The following PTPRF variants were observed in gnomAD, a reference collection of about 807,000 sequenced individuals.
PTPRF encodes the protein receptor-type tyrosine-protein phosphatase F.
A neutral mutation model predicts 201.8 loss-of-function variants in PTPRF; 59 were observed. The ratio of observed to expected loss-of-function variants is 0.29; its 90% CI spans 0.24 to 0.36. The LOEUF is 0.36. PTPRF is among the 10% of genes least tolerant of loss of function. The pLI, the probability that PTPRF is intolerant of heterozygous loss-of-function variation, is 1.00. For synonymous variants in PTPRF, 1,088 were observed against 1,089.7 expected, an observed-to-expected ratio of 1.00 and a Z score of 0.03; for missense variants, 2,132 against 2,690.5, an observed-to-expected ratio of 0.79 and a Z score of 4.59.
At chr1:43,606,006 A>G (rs910550587) in intron 19 of PTPRF, among the ~76,000 whole-genome samples, 2 of 152,194 alleles carry the variant, frequency 1.3e-5, no homozygotes, top group African/African-American at 4.8e-5. Context: ...GTGTGGCAAC[A>G]GCCTGGTTAG....
rs76048903 is a variant in PTPRF at position 43,598,409 on chromosome 1, G to A, written c.2120-311G>A. 1.7e-3 allele frequency: 825 copies of A among 482,762 alleles called. 10 individuals are homozygous for A. Among genetic ancestry groups the A allele is most frequent in the African/African-American group, 0.015 (762 of 51,286 alleles). 29.9% of individuals were successfully genotyped at this position (482,762 alleles called of 1,614,324 possible). On this transcript the variant is annotated intron_variant, in intron 12 of 33. Transcript: ENST00000359947. ...ATGATTGGGGCCTAGGAGGAGTCAG[G>A]ACAGGTTGTGCTGACTAGGGGTGGT... is the stretch of plus-strand genomic sequence containing the variant.
At chr1:43,598,475 G>A (rs1160537197) in intron 12 of PTPRF, 11 of 521,506 alleles carry the variant, frequency 2.1e-5, no homozygotes, top group East Asian at 3.1e-5. Flanking sequence ...CCCCCATGTC[G>A]ACCCTCCCCA....
In PTPRF at chr1:43,595,695, C is replaced by G. The variant is rs367828053; in HGVS notation, c.1814-2053C>G. ...CTTAGCCTTGGACAGGGTGGCTCAA[C>G]TCTCCATTCTCATGGGTGGAAAGGA... On this transcript the variant is annotated intron_variant, in intron 11 of 33. Coordinates refer to ENST00000359947, the MANE Select transcript of PTPRF (RefSeq NM_002840.5). 7.2e-5 allele frequency among the ~76,000 whole-genome samples: 11 copies of G among 152,286 alleles called. No homozygotes were observed. In the South Asian group the frequency reaches 2.3e-3, roughly 32 times the overall value.
rs773624942 is a variant in PTPRF, at chr1:43,554,141, T to C, written c.379+200T>C. On this transcript the variant is annotated intron_variant, in intron 5 of 33. Transcript: ENST00000359947. This position sits in a 1 kb window ranked among gnomAD's most constrained non-coding sequence, Gnocchi z 4.1. ...GTGCGGCTTATGCTGAGGCCAGCCA[T>C]GTGGGGCATGATGCCTTTGTATTCT... Among the ~76,000 whole-genome samples the C allele has an allele frequency of 6.6e-6, 1 of 152,116 alleles. No homozygotes were observed. Among genetic ancestry groups the C allele is most frequent in the African/African-American group, 2.4e-5 (1 of 41,424 alleles).
chr1:43,599,848 C>T (rs146822677), intron 13 of PTPRF, among the ~76,000 whole-genome samples: 1 of 152,112 alleles, frequency 6.6e-6, no homozygotes, highest in African/African-American at 2.4e-5. Flanking sequence ...TCATGAGCCC[C>T]CTCCCAAAAG....
In PTPRF at chr1:43,588,656, A is replaced by G. The variant is rs183966662; in HGVS notation, c.680-75A>G. ...GGCTCTGACCAGAGGGGCTTCCTGAATGAGGGGCCCCTGCCCTTCCATGCA... is the reference window on the plus strand; with the variant it reads ...GGCTCTGACCAGAGGGGCTTCCTGAGTGAGGGGCCCCTGCCCTTCCATGCA... On this transcript the variant is annotated intron_variant, in intron 7 of 33. Coordinates refer to ENST00000359947, the MANE Select transcript of PTPRF (RefSeq NM_002840.5). The surrounding 1 kb of genome is among the most constrained non-coding windows in gnomAD (Gnocchi z 5.3). 1,308 of 1,562,036 alleles carry G rather than the reference A, an allele frequency of 8.4e-4. 3 individuals are homozygous for G. Among genetic ancestry groups the G allele is most frequent in the Admixed American group, 1.5e-3 (83 of 57,070 alleles).
intron 6 of PTPRF, among the ~76,000 whole-genome samples, chr1:43,575,389 C>T (rs987237754): frequency 1.3e-5 from 2 of 152,144 alleles, no homozygotes; most frequent in African/African-American, 4.8e-5. Context: ...AGTCCTGCTG[C>T]CCGTTCCTCT....
intron 5 of PTPRF, among the ~76,000 whole-genome samples, chr1:43,567,835 T>G (rs1646288418): frequency 6.6e-6 from 1 of 152,210 alleles, no homozygotes; most frequent in African/African-American, 2.4e-5. Flanking sequence ...ACACCCATCT[T>G]GTGCTGGGCT....
At chr1:43,602,870 A>G (rs576753940) in intron 14 of PTPRF, among the ~76,000 whole-genome samples, 10 of 152,232 alleles carry the variant, frequency 6.6e-5, no homozygotes, top group African/African-American at 2.4e-4. Flanking sequence ...CTCAAGAGGT[A>G]TTGCAGGGTA....
chr1:43,559,661 T>C (rs1209043672), intron 5 of PTPRF, among the ~76,000 whole-genome samples: 3 of 143,204 alleles, frequency 2.1e-5, no homozygotes, highest in Non-Finnish European at 4.6e-5. Flanking sequence ...TGGTGTGTGT[T>C]TATGTGCAGC....
At chr1:43,610,795 G>A (rs1481687794) in intron 22 of PTPRF, among the ~76,000 whole-genome samples, 1 of 152,222 alleles carries the variant, frequency 6.6e-6, no homozygotes, top group Non-Finnish European at 1.5e-5. Context: ...AACCCAGGAG[G>A]TAGAGGTTGC....
chr1:43,538,965 A>G (rs189560104), intron 2 of PTPRF, among the ~76,000 whole-genome samples: 2 of 152,320 alleles, frequency 1.3e-5, no homozygotes, highest in East Asian at 3.9e-4. Flanking sequence ...AGCAGCATTG[A>G]AGGTTCTTAA....
intron 6 of PTPRF, among the ~76,000 whole-genome samples, chr1:43,578,069 C>T (rs1647047614): frequency 1.3e-5 from 2 of 152,330 alleles, no homozygotes; most frequent in African/African-American, 2.4e-5. Context: ...CTTTTGCTAC[C>T]CACCCCGATC....
chr1:43,590,099 C>T (rs574348286), intron 8 of PTPRF, among the ~76,000 whole-genome samples: 39 of 152,280 alleles, frequency 2.6e-4, no homozygotes, highest in East Asian at 1.2e-3. Flanking sequence ...CCCTGTCACG[C>T]GCCAGCTGTC....
intron 2 of PTPRF, among the ~76,000 whole-genome samples, chr1:43,540,632 C>T (rs995177340): frequency 6.6e-6 from 1 of 152,206 alleles, no homozygotes; most frequent in African/African-American, 2.4e-5. Flanking sequence ...GACACTCCTC[C>T]TAATCTCCCC....
intron 22 of PTPRF, among the ~76,000 whole-genome samples, chr1:43,610,479 G>A (rs1282802213): frequency 1.3e-5 from 2 of 152,254 alleles, no homozygotes; most frequent in East Asian, 1.9e-4. Context: ...CAGAAAGTCT[G>A]GGCCCTCAGC....
intron 2 of PTPRF, 43 bp downstream of exon 2, chr1:43,538,320 G>T: frequency 2.5e-6 from 1 of 398,868 alleles, no homozygotes; most frequent in East Asian, 3.6e-5. Flanking sequence ...GGGTGCACAG[G>T]GGTCCTATGG....
intron 5 of PTPRF, among the ~76,000 whole-genome samples, chr1:43,567,281 G>A (rs1232931195): frequency 2.0e-5 from 3 of 152,176 alleles, no homozygotes; most frequent in African/African-American, 7.2e-5. Context: ...GCAAGCAGCA[G>A]CTGGGCCAAA....
At chr1:43,600,361 G>A (rs1465517962) in intron 13 of PTPRF, among the ~76,000 whole-genome samples, 2 of 152,182 alleles carry the variant, frequency 1.3e-5, no homozygotes, top group African/African-American at 2.4e-5. Flanking sequence ...CTGGGCCAGA[G>A]GCTCAGGGAC....
Sources: gnomAD v4.1 joint callset for allele counts (sites outside exome capture counted in the v4.1 genomes callset) on GRCh38, gnomAD v4.1.1 for gene constraint, Gnocchi (gnomAD v3.1) non-coding constraint, MANE v1.5 for transcripts, NCBI Gene and HGNC (gene_info 2026-07-23, HGNC 2026-07-21) for gene names.